The following SLC9A9 variants were observed in gnomAD, a reference collection of about 807,000 sequenced individuals.
SLC9A9 encodes the protein solute carrier family 9 member A9, also known as sodium/hydrogen exchanger 9.
SLC9A9 carries 62 observed loss-of-function variants against 77.8 expected under a neutral mutation model. The ratio of observed to expected loss-of-function variants is 0.80; its 90% CI spans 0.65 to 0.98. The LOEUF is 0.98. Ranked by LOEUF, SLC9A9 falls within the 50% of genes least tolerant of loss-of-function variation. SLC9A9 has a pLI of 0.00. For missense variants in SLC9A9, 775 were observed against 774.9 expected (o/e 1.00, Z 0.00); for synonymous variants, 320 against 283.5 (o/e 1.13, Z -1.29).
chr3:143,617,243 C>T (rs1559995498), intron 6 of SLC9A9, among the ~76,000 whole-genome samples: 1 of 152,194 alleles, frequency 6.6e-6, no homozygotes, highest in Non-Finnish European at 1.5e-5. Context: ...TCAGCCTAAT[C>T]CATTCTGTTT....
intron 5 of SLC9A9, among the ~76,000 whole-genome samples, chr3:143,660,672 T>G (rs1163266384): frequency 6.6e-6 from 1 of 152,180 alleles, no homozygotes; most frequent in East Asian, 1.9e-4. Context: ...TCTGCTCCCC[T>G]CTTACAATAA....
chr3:143,829,114 A>G (rs576855267), intron 2 of SLC9A9, among the ~76,000 whole-genome samples: 8 of 152,294 alleles, frequency 5.3e-5, no homozygotes, highest in South Asian at 2.1e-4. Context: ...TTGCCCATCT[A>G]TGAAATGATG....
At chr3:143,464,650 C>T (rs927306684) in intron 12 of SLC9A9, among the ~76,000 whole-genome samples, 3 of 152,072 alleles carry the variant, frequency 2.0e-5, no homozygotes, top group Non-Finnish European at 2.9e-5. Context: ...TCTAAACCAG[C>T]GATTCTCAAA....
intron 9 of SLC9A9, among the ~76,000 whole-genome samples, chr3:143,536,938 G>A (rs1163490548): frequency 2.0e-5 from 3 of 152,164 alleles, no homozygotes; most frequent in Admixed American, 6.5e-5. Flanking sequence ...CAATCCTGCT[G>A]CCCACGCTGC....
chr3:143,825,561 T>G (rs1049727465), intron 2 of SLC9A9, among the ~76,000 whole-genome samples: 1 of 152,238 alleles, frequency 6.6e-6, no homozygotes, highest in African/African-American at 2.4e-5. Context: ...TGTAGTATTA[T>G]CAACACAATT....
At chr3:143,503,328 C>A in intron 9 of SLC9A9, 1 of 302,264 alleles carries the variant, frequency 3.3e-6, no homozygotes, top group South Asian at 3.0e-5. Context: ...TAGCCAAATT[C>A]ATGGTCATAT....
intron 12 of SLC9A9, among the ~76,000 whole-genome samples, chr3:143,412,282 C>T (rs931627501): frequency 2.6e-5 from 4 of 151,990 alleles, no homozygotes; most frequent in Admixed American, 6.5e-5. Context: ...TTTTGTTGGC[C>T]CCCGAGAAGG....
At chr3:143,788,316 A>T (rs2108852779) in intron 4 of SLC9A9, among the ~76,000 whole-genome samples, 1 of 152,370 alleles carries the variant, frequency 6.6e-6, no homozygotes, top group Non-Finnish European at 1.5e-5. Context: ...ACTTATTAAC[A>T]AAATACAAAA....
intron 12 of SLC9A9, among the ~76,000 whole-genome samples, chr3:143,419,194 G>A (rs2034252803): frequency 6.6e-6 from 1 of 152,134 alleles, no homozygotes; most frequent in Admixed American, 6.6e-5. Flanking sequence ...GGCACAAGAT[G>A]GTAATGAACG....
At chr3:143,402,696 A>G (rs187205572) in intron 12 of SLC9A9, among the ~76,000 whole-genome samples, 147 of 150,894 alleles carry the variant, frequency 9.7e-4, no homozygotes, top group Non-Finnish European at 1.6e-3. Context: ...TATTGTTTGC[A>G]TGGTGTATCT....
At chr3:143,660,550 T>A (rs58524637) in intron 5 of SLC9A9, among the ~76,000 whole-genome samples, 1 of 152,186 alleles carries the variant, frequency 6.6e-6, no homozygotes, top group Non-Finnish European at 1.5e-5. Context: ...AAGAACCCAA[T>A]TGAACCAACC....
intron 14 of SLC9A9, among the ~76,000 whole-genome samples, chr3:143,363,262 A>G (rs2032803201): frequency 6.6e-6 from 1 of 152,252 alleles, no homozygotes; most frequent in Middle Eastern, 3.2e-3. Flanking sequence ...CCTTAGATAA[A>G]TTTGACTCTG....
At position 143,440,372 on chromosome 3, in the gene SLC9A9, C is replaced by A. The variant is rs1576498049; in HGVS notation, c.1469+26665G>T. The stretch of plus-strand genomic sequence containing the variant: ...ATGATTGGCAGAGTAAGGGGAAACA[C>A]CCTATTCACTGGGTGCTCTGGAGAA... On this transcript the variant is annotated intron_variant, in intron 12 of 15. Coordinates refer to ENST00000316549, the MANE Select transcript of SLC9A9 (RefSeq NM_173653.4). Among the ~76,000 whole-genome samples, 3 of 152,102 alleles carry A rather than the reference C, an allele frequency of 2.0e-5. No individual in the cohort carries two copies. In the South Asian group the frequency reaches 6.2e-4, roughly 32 times the overall value.
chr3:143,608,690 T>A (rs1576607782), intron 6 of SLC9A9, among the ~76,000 whole-genome samples: 3 of 152,144 alleles, frequency 2.0e-5, no homozygotes, highest in Non-Finnish European at 1.5e-5. Flanking sequence ...TTTAAAAATA[T>A]AGAAATCTGT....
intron 14 of SLC9A9, among the ~76,000 whole-genome samples, chr3:143,269,526 G>A (rs1025800212): frequency 2.6e-5 from 4 of 152,090 alleles, no homozygotes; most frequent in Admixed American, 6.5e-5. Context: ...TAAATAAGTC[G>A]GTGCTGGGTT....
intron 4 of SLC9A9, among the ~76,000 whole-genome samples, chr3:143,734,867 C>T (rs1354712306): frequency 6.6e-6 from 1 of 152,038 alleles, no homozygotes; most frequent in Non-Finnish European, 1.5e-5. Flanking sequence ...ATTCTATCTA[C>T]TCTTCCTCTC....
In SLC9A9 at chr3:143,370,562, T is replaced by TGC. The variant is rs1440208358; in HGVS notation, c.1525-7001_1525-7000dup. On this transcript the variant is annotated intron_variant, in intron 13 of 15. Transcript: ENST00000316549. ...ATACATGTACACAAGTATATGCATG[T>TGC]GCGCGCACACACACACACACACACA... Among the ~76,000 whole-genome samples the TGC allele has an allele frequency of 3.1e-4, 38 of 121,152 alleles. 1 individual carries two copies. Among genetic ancestry groups the TGC allele is most frequent in the South Asian group, 7.7e-4 (3 of 3,874 alleles). The allele number at this position is 121,152 out of a possible 152,430, so 79.5% of individuals were successfully genotyped here.
At chr3:143,652,477 T>C in intron 5 of SLC9A9, 117 bp from the exon 6 acceptor site, 1 of 779,680 alleles carries the variant, frequency 1.3e-6, no homozygotes, top group Non-Finnish European at 2.2e-6. Context: ...ATCCAATGAC[T>C]ATACTAACAC....
At position 143,611,351 on chromosome 3, in the gene SLC9A9, A is replaced by G. The variant is rs569703135; in HGVS notation, c.756-32628T>C. Among the ~76,000 whole-genome samples, 290 of 152,320 alleles carry G rather than the reference A, an allele frequency of 1.9e-3. 2 individuals carry two copies. Among genetic ancestry groups the G allele is most frequent in the Non-Finnish European group, 7.1e-4 (48 of 68,042 alleles). ...CCATAAGAAAGAGAAGAGAGAAAAG[A>G]TGAAATTATCAAAGGAATGGCATGA... On this transcript the variant is annotated intron_variant, in intron 6 of 15. Coordinates refer to ENST00000316549, the MANE Select transcript of SLC9A9 (RefSeq NM_173653.4).
Sources: allele counts gnomAD v4.1 joint callset (sites outside exome capture counted in the v4.1 genomes callset), GRCh38; gene constraint gnomAD v4.1.1; transcripts MANE v1.5; gene names NCBI Gene and HGNC (gene_info 2026-07-23, HGNC 2026-07-21).